Variants in DGKB observed in about 807,000 individuals in gnomAD.
DGKB encodes the protein 90 kDa diacylglycerol kinase.
In DGKB, 67 loss-of-function variants were observed where a neutral mutation model predicts 114.3. The observed-to-expected ratio is 0.59, with a 90% confidence interval of 0.48 to 0.72. The LOEUF is 0.72. Ranked by LOEUF, DGKB falls within the 30% of genes least tolerant of loss-of-function variation. The probability of loss-of-function intolerance (pLI) is 0.00; values close to 1 mark genes in which losing one functional copy is unlikely to be tolerated. For missense variants in DGKB, 907 were observed against 975.2 expected (o/e 0.93, Z 0.93); for synonymous variants, 398 against 323.1 (o/e 1.23, Z -2.49).
rs549456457 is a variant in DGKB at position 14,577,384 on chromosome 7, A to C, written c.1610-3012T>G. ...TATAATCCCAGCACTTTGGGAGGTC[A>C]AGGCGGGTGGATCACGAGGTCAGGA... On this transcript the variant is annotated intron_variant, in intron 19 of 25. Transcript: ENST00000402815. 2.6e-5 allele frequency among the ~76,000 whole-genome samples: 4 copies of C among 152,268 alleles called. No individual in the cohort carries two copies. In the East Asian group the frequency reaches 5.8e-4, roughly 22 times the overall value.
intron 23 of DGKB, among the ~76,000 whole-genome samples, chr7:14,298,510 A>G (rs1005928177): frequency 6.6e-6 from 1 of 152,186 alleles, no homozygotes; most frequent in Non-Finnish European, 1.5e-5. Flanking sequence ...CATACGCAGA[A>G]AACTGAAACT....
intron 13 of DGKB, among the ~76,000 whole-genome samples, chr7:14,642,357 T>C (rs192481057): frequency 4.4e-4 from 67 of 152,280 alleles, no homozygotes; most frequent in African/African-American, 1.6e-3. Context: ...CCTTTTTCTT[T>C]ATTTTTGAGT....
chr7:14,756,491 C>A (rs1481375781), intron 3 of DGKB, among the ~76,000 whole-genome samples: 1 of 151,494 alleles, frequency 6.6e-6, no homozygotes, highest in Admixed American at 6.6e-5. Context: ...TTATAGGCAC[C>A]AAATATTAAT....
intron 23 of DGKB, among the ~76,000 whole-genome samples, chr7:14,231,697 T>C (rs556399638): frequency 6.6e-6 from 1 of 151,956 alleles, no homozygotes; most frequent in East Asian, 1.9e-4. Context: ...TTTTCTGCTA[T>C]ACAGAAAAAA....
intron 23 of DGKB, among the ~76,000 whole-genome samples, chr7:14,207,737 A>C (rs1787065212): frequency 6.6e-6 from 1 of 152,052 alleles, no homozygotes. Context: ...TTTCATCTTA[A>C]GGTGGCAACC....
At chr7:14,183,792 A>G (rs979536650) in intron 23 of DGKB, among the ~76,000 whole-genome samples, 5 of 152,234 alleles carry the variant, frequency 3.3e-5, no homozygotes, top group African/African-American at 1.2e-4. Context: ...CTCTTGGATC[A>G]TCATGGCGGA....
chr7:14,595,484 C>G (rs1256931041), intron 17 of DGKB, among the ~76,000 whole-genome samples: 1 of 151,752 alleles, frequency 6.6e-6, no homozygotes, highest in Non-Finnish European at 1.5e-5. Context: ...AAATAAGGAG[C>G]AGGAGAGTGA....
At position 14,346,670 on chromosome 7, in the gene DGKB, A is replaced by T. The variant is rs116009734; in HGVS notation, c.1836-1279T>A. 8.3e-3 allele frequency among the ~76,000 whole-genome samples: 1,256 copies of T among 152,126 alleles called. 16 individuals carry two copies. Among genetic ancestry groups the T allele is most frequent in the African/African-American group, 0.029 (1,186 of 41,544 alleles). The stretch of plus-strand genomic sequence containing the variant: ...GTAGGTTAGAGGTAAACATTTAATG[A>T]CAAGATTTGTGGGCCTGTATCTACA... On this transcript the variant is annotated intron_variant, in intron 21 of 25. Transcript: ENST00000402815.
intron 21 of DGKB, among the ~76,000 whole-genome samples, chr7:14,361,955 G>A (rs1451054327): frequency 6.6e-6 from 1 of 151,962 alleles, no homozygotes; most frequent in African/African-American, 2.4e-5. Context: ...AACAAAGTGA[G>A]ACTCTTGTCC....
chr7:14,837,753 G>C (rs1217278408), intron 2 of DGKB, among the ~76,000 whole-genome samples: 1 of 152,102 alleles, frequency 6.6e-6, no homozygotes, highest in African/African-American at 2.4e-5. Flanking sequence ...CATGAAAAAT[G>C]AATGACTTCT....
At chr7:14,809,246 A>G (rs1330635930) in intron 2 of DGKB, among the ~76,000 whole-genome samples, 1 of 152,112 alleles carries the variant, frequency 6.6e-6, no homozygotes, top group African/African-American at 2.4e-5. Flanking sequence ...ACAGACTGTG[A>G]TTTAATTTAC....
intron 2 of DGKB, among the ~76,000 whole-genome samples, chr7:14,823,025 G>C (rs961519184): frequency 3.3e-5 from 5 of 151,786 alleles, no homozygotes; most frequent in African/African-American, 1.2e-4. Context: ...ATTGTAAATA[G>C]TACTTTTAAA....
intron 22 of DGKB, 132 bp downstream of exon 22, chr7:14,345,169 A>G (rs1249635797): frequency 4.2e-5 from 24 of 573,186 alleles, no homozygotes; most frequent in Non-Finnish European, 6.4e-5. Context: ...AGGAATGACA[A>G]TTTAAAATCT....
chr7:14,265,314 C>A, intron 23 of DGKB, among the ~76,000 whole-genome samples: 1 of 54,416 alleles, frequency 1.8e-5, no homozygotes, highest in African/African-American at 1.4e-4. Flanking sequence ...TTTTCTCTTG[C>A]ATTCTTTTTT....
At chr7:14,154,320 T>G (rs557182100) in intron 25 of DGKB, among the ~76,000 whole-genome samples, 1 of 151,840 alleles carries the variant, frequency 6.6e-6, no homozygotes, top group Non-Finnish European at 1.5e-5. Context: ...AATATTTTTA[T>G]AGTCTGAATG....
At chr7:14,879,100 G>C (rs747694651) in intron 1 of DGKB, among the ~76,000 whole-genome samples, 2 of 151,852 alleles carry the variant, frequency 1.3e-5, no homozygotes, top group Non-Finnish European at 2.9e-5. Context: ...ACAGATCCTT[G>C]ATATATTTGT....
At chr7:14,859,353 G>C (rs531038677) in intron 1 of DGKB, among the ~76,000 whole-genome samples, 27 of 152,246 alleles carry the variant, frequency 1.8e-4, no homozygotes, top group African/African-American at 6.5e-4. Context: ...TGATTTCCCA[G>C]TTATATGTGA....
intron 23 of DGKB, among the ~76,000 whole-genome samples, chr7:14,260,099 CACACACATGA>C (rs1179821867): frequency 1.6e-5 from 1 of 62,776 alleles, no homozygotes; most frequent in African/African-American, 9.5e-5. Flanking sequence ...CACACACACA[CACACACATGA>C]ACACACACAC....
intron 1 of DGKB, among the ~76,000 whole-genome samples, chr7:14,855,141 G>A (rs970662412): frequency 6.6e-6 from 1 of 152,084 alleles, no homozygotes; most frequent in Non-Finnish European, 1.5e-5. Flanking sequence ...TTTAAATTAG[G>A]TCTATCTCAA....
Sources: gnomAD v4.1 joint callset for allele counts (sites outside exome capture counted in the v4.1 genomes callset) on GRCh38, gnomAD v4.1.1 for gene constraint, MANE v1.5 for transcripts, NCBI Gene and HGNC (gene_info 2026-07-23, HGNC 2026-07-21) for gene names.